The following PACSIN2 variants were observed in gnomAD, a reference collection of about 807,000 sequenced individuals.
The protein encoded by PACSIN2 is protein kinase C and casein kinase substrate in neurons protein 2.
In PACSIN2, 25 loss-of-function variants were observed where a neutral mutation model predicts 63.8. The observed-to-expected ratio is 0.39, with a 90% CI of 0.29 to 0.55. PACSIN2 has a LOEUF of 0.55. PACSIN2 is among the 20% of genes least tolerant of loss of function. PACSIN2 has a pLI of 0.62. For synonymous variants in PACSIN2, 255 were observed against 256.2 expected (o/e 1.00, Z 0.05); for missense variants, 518 against 646.9 (o/e 0.80, Z 2.16).
intron 3 of PACSIN2, among the ~76,000 whole-genome samples, chr22:42,892,895 G>C (rs778642763): frequency 1.4e-4 from 21 of 152,228 alleles, no homozygotes; most frequent in Non-Finnish European, 2.9e-5. Context: ...TCCCTGCTGG[G>C]AAGTGTGTTC....
At chr22:42,987,300 T>C (rs1314903248) in intron 1 of PACSIN2, among the ~76,000 whole-genome samples, 10 of 151,978 alleles carry the variant, frequency 6.6e-5, no homozygotes, top group Admixed American at 6.6e-4. Flanking sequence ...ATCACTGTTA[T>C]TATATGGGCT....
At chr22:42,951,480 C>T (rs749559867) in intron 1 of PACSIN2, among the ~76,000 whole-genome samples, 1 of 152,190 alleles carries the variant, frequency 6.6e-6, no homozygotes, top group Non-Finnish European at 1.5e-5. Context: ...TCCGGCATGG[C>T]CCGAGCTGCT....
At chr22:42,920,647 G>A (rs1156414181) in intron 1 of PACSIN2, among the ~76,000 whole-genome samples, 1 of 152,120 alleles carries the variant, frequency 6.6e-6, no homozygotes, top group African/African-American at 2.4e-5. Flanking sequence ...GAAGAGAGCA[G>A]CCAGGTGTGC....
chr22:42,996,381 A>C (rs1431652487), intron 1 of PACSIN2, among the ~76,000 whole-genome samples: 2 of 150,942 alleles, frequency 1.3e-5, no homozygotes, highest in Non-Finnish European at 3.0e-5. Flanking sequence ...AAAATACAAA[A>C]ATTAGCTGGG....
intron 5 of PACSIN2, among the ~76,000 whole-genome samples, chr22:42,887,852 T>C (rs1350404351): frequency 1.1e-4 from 16 of 152,092 alleles, no homozygotes; most frequent in Admixed American, 1.0e-3. Context: ...ACAACAGAAA[T>C]GGAAGGGCAC....
chr22:42,929,378 C>CAGT (rs1240259513), intron 1 of PACSIN2, among the ~76,000 whole-genome samples: 1 of 152,184 alleles, frequency 6.6e-6, no homozygotes, highest in African/African-American at 2.4e-5. Context: ...CTTGCAAAAC[C>CAGT]AGTAAAAAGT....
At chr22:42,978,079 A>T (rs539450709) in intron 1 of PACSIN2, among the ~76,000 whole-genome samples, 58 of 152,270 alleles carry the variant, frequency 3.8e-4, no homozygotes, top group African/African-American at 1.3e-3. Flanking sequence ...TACAACACTC[A>T]CTCACTGGCT....
intron 1 of PACSIN2, among the ~76,000 whole-genome samples, chr22:42,943,337 G>A (rs1228191849): frequency 6.6e-6 from 1 of 152,128 alleles, no homozygotes; most frequent in Non-Finnish European, 1.5e-5. Context: ...TCTTTGAACA[G>A]AGAGTGTTTT....
chr22:42,876,173 CAT>C lies in PACSIN2; in HGVS notation c.1310_1311del (p.Tyr437Ter). 3 of 1,614,200 alleles carry C rather than the reference CAT, an allele frequency of 1.9e-6. No homozygotes were observed. The highest frequency in any genetic ancestry group is 2.5e-6 in the Non-Finnish European group (3 of 1,180,012). Reference protein sequence around the residue: ...TEVRVRALYDYEGQEHDELSF... With the variant: ...TEVRVRALYDXEGQEHDELSF... Reference sequence around the variant, plus strand: ...CTCAGCTCATCATGCTCCTGCCCCTCATAGTCATACAGGGCCCGGACTCGCAC... The same window carrying C: ...CTCAGCTCATCATGCTCCTGCCCCTCAGTCATACAGGGCCCGGACTCGCAC... On this transcript the variant is annotated frameshift_variant, in exon 10 of 11. Coordinates refer to ENST00000263246, the MANE Select transcript of PACSIN2 (RefSeq NM_001184970.3). LOFTEE classifies it high-confidence loss of function.
chr22:42,876,218 C>G lies in PACSIN2; in HGVS notation c.1267G>C (p.Ala423Pro). ...ACTCGCACTTCCGTCCCCGAGGTGG[C>G]GTCGTCGTCGAATGGATTCGAGTCC... ...NGDSNPFDDD[A>P]TSGTEVRVRA... Residue 423 changes from alanine (A) to proline (P), a missense_variant, in exon 10 of 11, where the codon GCC becomes CCC. Ala to Pro is a conservative substitution (Grantham distance 27, BLOSUM62 -1). Around this residue, in one of 2 missense-constraint regions of PACSIN2, gnomAD observed 507 missense variants for 612.3 expected, o/e 0.83. Transcript: ENST00000263246. 1 of 1,614,052 alleles carries G rather than the reference C, an allele frequency of 6.2e-7. No individual in the cohort carries two copies. Among genetic ancestry groups the G allele is most frequent in the East Asian group, 2.2e-5 (1 of 44,900 alleles).
chr22:42,910,910 T>G (rs928554282), intron 2 of PACSIN2, among the ~76,000 whole-genome samples: 1 of 94,320 alleles, frequency 1.1e-5, no homozygotes, highest in Non-Finnish European at 1.8e-5. Flanking sequence ...TAACACATAA[T>G]TTTTTTTTTT....
At chr22:42,943,042 A>AT (rs1157008916) in intron 1 of PACSIN2, among the ~76,000 whole-genome samples, 1 of 152,200 alleles carries the variant, frequency 6.6e-6, no homozygotes, top group Non-Finnish European at 1.5e-5. Flanking sequence ...ATCTCTTTCC[A>AT]TTTATTCAGG....
chr22:42,916,069 G>C (rs1333171665), intron 1 of PACSIN2, among the ~76,000 whole-genome samples: 2 of 152,148 alleles, frequency 1.3e-5, no homozygotes, highest in South Asian at 4.1e-4. Flanking sequence ...TGGCCAGCTG[G>C]GTGACCGCAG....
rs1412887348 is a variant in PACSIN2, at chr22:42,876,351, C to T, written c.1152-18G>A. The T allele has an allele frequency of 4.3e-6, 7 of 1,609,352 alleles. No individual in the cohort carries two copies. In the Admixed American group the frequency reaches 1.0e-4, roughly 23 times the overall value. ...TGCTCACACTGCAAGAAAGGGGAGG[C>T]CACAGGGCCCTCAGCACAGGGCGGC... On this transcript the variant is annotated intron_variant, in intron 9 of 10. Coordinates refer to ENST00000263246, the MANE Select transcript of PACSIN2 (RefSeq NM_001184970.3).
At chr22:42,876,467 G>A in intron 9 of PACSIN2, 134 bp from the exon 10 acceptor site, 4 of 687,040 alleles carry the variant, frequency 5.8e-6, no homozygotes, top group African/African-American at 3.6e-5. Flanking sequence ...CACAGGTGGA[G>A]CCAGTGCTAG....
intron 1 of PACSIN2, among the ~76,000 whole-genome samples, chr22:42,998,958 C>T (rs1190796210): frequency 6.6e-6 from 1 of 152,184 alleles, no homozygotes; most frequent in Non-Finnish European, 1.5e-5. Flanking sequence ...CACTCCATCC[C>T]ATCTCCAGCT....
intron 10 of PACSIN2, 45 bp downstream of exon 10, chr22:42,876,092 A>T: frequency 6.5e-7 from 1 of 1,532,922 alleles, no homozygotes; most frequent in Middle Eastern, 1.8e-4. Context: ...CACAGCCTGC[A>T]GGTTGGAAGC....
chr22:42,877,925 G>C (rs1162183653), intron 8 of PACSIN2, among the ~76,000 whole-genome samples: 1 of 152,242 alleles, frequency 6.6e-6, no homozygotes, highest in African/African-American at 2.4e-5. Flanking sequence ...CCAAGGAAGG[G>C]AGGCGAGGAC....
chr22:42,976,948 T>C (rs1272188919), intron 1 of PACSIN2, among the ~76,000 whole-genome samples: 3 of 152,238 alleles, frequency 2.0e-5, no homozygotes, highest in African/African-American at 7.2e-5. Context: ...CAATACCTCA[T>C]GTTATGCTAT....
Sources: allele counts gnomAD v4.1 joint callset (sites outside exome capture counted in the v4.1 genomes callset), GRCh38; gene constraint gnomAD v4.1.1; regional missense constraint gnomAD v4.1.1; transcripts MANE v1.5; gene names NCBI Gene and HGNC (gene_info 2026-07-23, HGNC 2026-07-21).